Variants in SF3B3 observed in about 807,000 individuals in gnomAD.
The protein encoded by SF3B3 is splicing factor 3b subunit 3.
In SF3B3, 33 loss-of-function variants were observed where a neutral mutation model predicts 139.2. The ratio of observed to expected loss-of-function variants is 0.24; its 90% CI spans 0.18 to 0.32. The LOEUF is 0.32. SF3B3 is among the 10% of genes least tolerant of loss of function. The probability of loss-of-function intolerance (pLI) is 1.00; values close to 1 mark genes in which losing one functional copy is unlikely to be tolerated. For synonymous variants in SF3B3, 596 were observed against 563.6 expected (o/e 1.06, Z -0.81); for missense variants, 818 against 1,509.4 (o/e 0.54, Z 7.59).
chr16:70,558,022 ATCTT>A (rs1331633390), intron 15 of SF3B3, among the ~76,000 whole-genome samples: 1 of 151,998 alleles, frequency 6.6e-6, no homozygotes, highest in Non-Finnish European at 1.5e-5. Flanking sequence ...CATTTCCTTC[ATCTT>A]TCTTTTTATG....
chr16:70,572,260 A>G lies in SF3B3; in HGVS notation c.*447A>G. The G allele has an allele frequency of 2.9e-6, 1 of 348,534 alleles. No homozygotes were observed. The highest frequency in any genetic ancestry group is 5.7e-6 in the Non-Finnish European group (1 of 176,770). The allele number at this position is 348,534 out of a possible 1,614,324, so 21.6% of individuals were successfully genotyped here. On this transcript the variant is annotated 3_prime_UTR_variant, in exon 26 of 26. Coordinates refer to ENST00000302516, the MANE Select transcript of SF3B3 (RefSeq NM_012426.5). ...TATCACTCCTGAGTTCCACTGCTCT[A>G]GAATCTAACCAGAAATAGAAACCTA...
At chr16:70,528,496 A>T (rs2050088534) in intron 2 of SF3B3, among the ~76,000 whole-genome samples, 1 of 127,536 alleles carries the variant, frequency 7.8e-6, no homozygotes. Flanking sequence ...TTTAGAGACG[A>T]TATCTTGCTG....
intron 12 of SF3B3, 92 bp from the exon 13 acceptor site, chr16:70,554,959 T>A: frequency 7.8e-7 from 1 of 1,278,638 alleles, no homozygotes; most frequent in Non-Finnish European, 1.1e-6. Context: ...GCCCCAGGTC[T>A]GATTTTAGTG....
Position 70,526,742 on chromosome 16 carries a change from A to G in SF3B3, c.70+16A>G. ...AACTTTTCTGGTAAGTTCTCTCGTT[A>G]CCATCTTTTGAAATTTTAAGTGAAT... On this transcript the variant is annotated intron_variant, in intron 2 of 25. Transcript: ENST00000302516. 2 of 1,587,746 alleles carry G rather than the reference A, an allele frequency of 1.3e-6. No individual in the cohort carries two copies. Among genetic ancestry groups the G allele is most frequent in the Non-Finnish European group, 1.7e-6 (2 of 1,156,460 alleles).
Position 70,554,275 on chromosome 16 carries a change from T to A in SF3B3, c.1403-171T>A, listed in dbSNP as rs1420176744. On this transcript the variant is annotated intron_variant, in intron 11 of 25. Transcript: ENST00000302516. Reference sequence around the variant, plus strand: ...ATCTGTAGGCTCTTCTGACCCCTAGTTTTCTTCTGGATCATTTTGCTCTGT... The same window carrying A: ...ATCTGTAGGCTCTTCTGACCCCTAGATTTCTTCTGGATCATTTTGCTCTGT... The A allele has an allele frequency of 6.9e-6, 4 of 579,932 alleles. No homozygotes were observed. In the East Asian group the frequency reaches 1.2e-4, roughly 17 times the overall value. The allele number at this position is 579,932 out of a possible 1,614,324, so 35.9% of individuals were successfully genotyped here.
At chr16:70,554,198 CCT>C in intron 11 of SF3B3, 1 of 371,092 alleles carries the variant, frequency 2.7e-6, no homozygotes, top group Admixed American at 4.2e-5. Flanking sequence ...CTTGCTTTGT[CCT>C]CTCACTTCTT....
intron 15 of SF3B3, among the ~76,000 whole-genome samples, chr16:70,557,344 A>G (rs2050388143): frequency 6.6e-6 from 1 of 152,216 alleles, no homozygotes; most frequent in South Asian, 2.1e-4. Context: ...GCAGCAATGA[A>G]TACCTCTCAG....
Position 70,576,526 on chromosome 16 carries a change from G to C in SF3B3, c.*4713G>C, listed in dbSNP as rs1053197879. ...GTTTAGGCTTAGAAGTTACTAATTT[G>C]GAGCCGTGAGTATATGTGTATAAGC... On this transcript the variant is annotated 3_prime_UTR_variant, in exon 26 of 26. Transcript: ENST00000302516. 1 of 152,162 alleles carries C rather than the reference G, an allele frequency of 6.6e-6. No homozygotes were observed. Among genetic ancestry groups the C allele is most frequent in the Non-Finnish European group, 1.5e-5 (1 of 68,036 alleles). The allele number at this position is 152,162 out of a possible 1,614,324, so 9.4% of individuals were successfully genotyped here.
chr16:70,525,119 T>G (rs1368450539), intron 1 of SF3B3: 1 of 151,840 alleles, frequency 6.6e-6, no homozygotes, highest in Non-Finnish European at 1.5e-5. Flanking sequence ...AGCCTCCTCC[T>G]CCTTGGTTCT....
At chr16:70,567,172 C>G (rs2050484871) in intron 20 of SF3B3, among the ~76,000 whole-genome samples, 1 of 152,176 alleles carries the variant, frequency 6.6e-6, no homozygotes, top group African/African-American at 2.4e-5. Context: ...AGCACAAGCT[C>G]TGGACAGCAG....
intron 3 of SF3B3, among the ~76,000 whole-genome samples, chr16:70,529,938 G>T (rs987532011): frequency 2.6e-5 from 4 of 151,746 alleles, no homozygotes; most frequent in Admixed American, 1.3e-4. Flanking sequence ...TTTGAGACCA[G>T]CCTGGCCAAC....
intron 7 of SF3B3, 125 bp from the exon 8 acceptor site, chr16:70,538,979 G>A (rs537871878): frequency 2.8e-6 from 2 of 716,942 alleles, no homozygotes; most frequent in Non-Finnish European, 5.0e-6. Context: ...CCCATGAGCC[G>A]GAGTTTGTTG....
chr16:70,553,615 G>C (rs2050350335), intron 11 of SF3B3, among the ~76,000 whole-genome samples: 1 of 152,158 alleles, frequency 6.6e-6, no homozygotes, highest in Non-Finnish European at 1.5e-5. Flanking sequence ...CGTACTGGAT[G>C]GGGACACTTG....
chr16:70,548,736 C>G (rs1176503709), intron 11 of SF3B3, among the ~76,000 whole-genome samples: 1 of 152,186 alleles, frequency 6.6e-6, no homozygotes, highest in African/African-American at 2.4e-5. Context: ...CATAAAGGTA[C>G]TGGTTTCATC....
At chr16:70,530,302 C>T (rs2050108906) in intron 3 of SF3B3, among the ~76,000 whole-genome samples, 1 of 148,110 alleles carries the variant, frequency 6.8e-6, no homozygotes, top group South Asian at 2.1e-4. Flanking sequence ...CCCAGCTCCA[C>T]TATTGTCTAT....
intron 2 of SF3B3, among the ~76,000 whole-genome samples, chr16:70,528,073 C>T (rs945286981): frequency 6.6e-6 from 1 of 151,924 alleles, no homozygotes; most frequent in African/African-American, 2.4e-5. Context: ...CTGTGCCCTG[C>T]TGAAAGCACA....
chr16:70,565,873 T>C (rs1276480561), intron 20 of SF3B3, among the ~76,000 whole-genome samples: 2 of 152,180 alleles, frequency 1.3e-5, no homozygotes, highest in Non-Finnish European at 2.9e-5. Flanking sequence ...TCCCAGCACT[T>C]TGGGAGGCCG....
chr16:70,569,465 A>G (rs914440359), intron 23 of SF3B3, among the ~76,000 whole-genome samples: 2 of 152,190 alleles, frequency 1.3e-5, no homozygotes, highest in African/African-American at 2.4e-5. Context: ...GCTGTTTTCT[A>G]TAATTTTCTT....
chr16:70,566,755 G>A (rs1597724002), intron 20 of SF3B3, among the ~76,000 whole-genome samples: 1 of 151,928 alleles, frequency 6.6e-6, no homozygotes, highest in South Asian at 2.1e-4. Context: ...CTTTACAACT[G>A]AGATGTCACT....
Sources: allele counts gnomAD v4.1 joint callset (sites outside exome capture counted in the v4.1 genomes callset), GRCh38; gene constraint gnomAD v4.1.1; transcripts MANE v1.5; gene names NCBI Gene and HGNC (gene_info 2026-07-23, HGNC 2026-07-21).